SH3BP5: variants seen among roughly 807,000 people sequenced by gnomAD.
SH3BP5 encodes the protein SH3 domain-binding protein 5.
In SH3BP5, 22 loss-of-function variants were observed where a neutral mutation model predicts 43.3. The ratio of observed to expected loss-of-function variants is 0.51; its 90% CI spans 0.36 to 0.73. The LOEUF is 0.73. Ranked by LOEUF, SH3BP5 falls within the 30% of genes least tolerant of loss-of-function variation. The probability of loss-of-function intolerance (pLI) is 0.00; values close to 1 mark genes in which losing one functional copy is unlikely to be tolerated. For synonymous variants in SH3BP5, 255 were observed against 225.8 expected (o/e 1.13, Z -1.16); for missense variants, 529 against 586.9 (o/e 0.90, Z 1.02).
At chr3:15,297,683 T>C (rs1327053025) in intron 3 of SH3BP5, among the ~76,000 whole-genome samples, 1 of 152,050 alleles carries the variant, frequency 6.6e-6, no homozygotes, top group Non-Finnish European at 1.5e-5. Context: ...TGCTGGAATC[T>C]CAACACTGTA....
chr3:15,320,640 A>ACACGCT (rs373879792), intron 2 of SH3BP5, among the ~76,000 whole-genome samples: 6 of 149,560 alleles, frequency 4.0e-5, no homozygotes, highest in African/African-American at 1.2e-4. Flanking sequence ...ACACACACAC[A>ACACGCT]CCCCACTACG....
At position 15,296,694 on chromosome 3, in the gene SH3BP5, C is replaced by CTTTTTTTT. The variant is rs370273754; in HGVS notation, c.330+7401_330+7408dup. 5.1e-3 allele frequency among the ~76,000 whole-genome samples: 633 copies of CTTTTTTTT among 124,862 alleles called. 16 individuals are homozygous for CTTTTTTTT. The highest frequency in any genetic ancestry group is 0.01 in the African/African-American group (292 of 28,922). 81.9% of individuals were successfully genotyped at this position (124,862 alleles called of 152,430 possible). On this transcript the variant is annotated intron_variant, in intron 3 of 8. Coordinates refer to ENST00000383791, the MANE Select transcript of SH3BP5 (RefSeq NM_004844.5). ...ATCCTCCACTTACGAAGTGTTTTTC[C>CTTTTTTTT]TTTTTTTTTTTTTTTTTGAGACAGG...
chr3:15,323,978 C>G (rs576696690), intron 2 of SH3BP5, among the ~76,000 whole-genome samples: 2 of 152,316 alleles, frequency 1.3e-5, no homozygotes, highest in Admixed American at 1.3e-4. Context: ...AGCCCAAGGC[C>G]TTCAGTACCA....
At chr3:15,284,158 T>C (rs771074282) in intron 3 of SH3BP5, among the ~76,000 whole-genome samples, 8 of 152,188 alleles carry the variant, frequency 5.3e-5, no homozygotes, top group Non-Finnish European at 1.0e-4. Context: ...TTAAGTAAGC[T>C]TCACTGAAGC....
At chr3:15,335,252 C>T (rs1036639007), upstream of SH3BP5, among the ~76,000 whole-genome samples, 11 of 152,022 alleles carry the variant, frequency 7.2e-5, no homozygotes, top group Non-Finnish European at 1.0e-4. Context: ...GTGGCACATG[C>T]CTGTAATCCC....
At chr3:15,292,773 G>A (rs906286890) in intron 3 of SH3BP5, among the ~76,000 whole-genome samples, 6 of 151,486 alleles carry the variant, frequency 4.0e-5, no homozygotes, top group Admixed American at 1.3e-4. Context: ...GCTTGAATCC[G>A]GGAGGCGGAG....
chr3:15,259,689 T>A (rs1696359680), intron 6 of SH3BP5, 72 bp downstream of exon 6: 1 of 1,411,470 alleles, frequency 7.1e-7, no homozygotes, highest in Non-Finnish European at 1.0e-6. Flanking sequence ...TGTGATACTC[T>A]GCTACCCCAG....
chr3:15,255,873 A>G lies in SH3BP5; in HGVS notation c.*213T>C, dbSNP rs918549534. 1.8e-6 allele frequency: 1 copy of G among 553,888 alleles called. No homozygotes were observed. The highest frequency in any genetic ancestry group is 3.0e-5 in the East Asian group (1 of 33,364). 34.3% of individuals were successfully genotyped at this position (553,888 alleles called of 1,614,324 possible). A position where few individuals can be genotyped will look rare whatever the true frequency, so the allele number is the denominator to read the frequency against. ...CCACAAAGGCTGTGAACCTAGTCAC[A>G]GTCTACCCACAACAAGAACTCTGCT... On this transcript the variant is annotated 3_prime_UTR_variant, in exon 9 of 9. Transcript: ENST00000383791.
intron 4 of SH3BP5, among the ~76,000 whole-genome samples, chr3:15,263,532 G>A (rs949154429): frequency 1.3e-5 from 2 of 152,174 alleles, no homozygotes; most frequent in East Asian, 3.8e-4. Flanking sequence ...CAGATTTTGA[G>A]GTACACAAAC....
intron 2 of SH3BP5, among the ~76,000 whole-genome samples, chr3:15,318,624 A>T (rs2125130953): frequency 6.6e-6 from 1 of 151,238 alleles, no homozygotes; most frequent in East Asian, 1.9e-4. Flanking sequence ...GTGCAGTGGC[A>T]TGACCTTGGC....
In SH3BP5 at chr3:15,273,116, C is replaced by A. The variant is rs571748694; in HGVS notation, c.331-3239G>T. ...CCTACCCATAGGTGGCCTCTCCTAC[C>A]TATATGCTTCACACCAACTCCAGGA... On this transcript the variant is annotated intron_variant, in intron 3 of 8. Coordinates refer to ENST00000383791, the MANE Select transcript of SH3BP5 (RefSeq NM_004844.5). 5.9e-5 allele frequency: 58 copies of A among 985,170 alleles called. 1 individual carries two copies. The East Asian group carries it at 4.7e-3, about 79-fold the overall frequency. The allele number at this position is 985,170 out of a possible 1,614,324, so 61.0% of individuals were successfully genotyped here.
At chr3:15,257,172 T>C in intron 7 of SH3BP5, 59 bp from the exon 8 acceptor site, 1 of 1,557,932 alleles carries the variant, frequency 6.4e-7, no homozygotes, top group Non-Finnish European at 8.7e-7. Context: ...ACACCACAAG[T>C]GCTTGCTGCT....
chr3:15,290,889 T>C (rs914100270), intron 3 of SH3BP5, among the ~76,000 whole-genome samples: 1 of 149,610 alleles, frequency 6.7e-6, no homozygotes, highest in South Asian at 2.2e-4. Context: ...CCATCGAGAA[T>C]GGAGAAGGGG....
intron 3 of SH3BP5, among the ~76,000 whole-genome samples, chr3:15,300,330 T>C (rs1697701094): frequency 6.6e-6 from 1 of 152,180 alleles, no homozygotes; most frequent in Non-Finnish European, 1.5e-5. Flanking sequence ...CCTCATGAGA[T>C]AGCCAGGGCT....
intron 3 of SH3BP5, among the ~76,000 whole-genome samples, chr3:15,296,690 T>C (rs1697582361): frequency 7.1e-6 from 1 of 140,936 alleles, no homozygotes; most frequent in Non-Finnish European, 1.5e-5. Flanking sequence ...ACGAAGTGTT[T>C]TTCCTTTTTT....
intron 3 of SH3BP5, among the ~76,000 whole-genome samples, chr3:15,289,339 A>G (rs1021721607): frequency 1.3e-5 from 2 of 152,210 alleles, no homozygotes; most frequent in Non-Finnish European, 2.9e-5. Flanking sequence ...TAGACTCTTT[A>G]AAATAGAAGG....
intron 3 of SH3BP5, among the ~76,000 whole-genome samples, chr3:15,279,959 C>T (rs1697075073): frequency 2.0e-5 from 3 of 152,168 alleles, no homozygotes; most frequent in Admixed American, 2.0e-4. Context: ...CTATTTGTCA[C>T]CCTACAGAAT....
Position 15,265,836 on chromosome 3 carries a change from T to TA in SH3BP5, c.496-3548dup, listed in dbSNP as rs1696627646. On this transcript the variant is annotated intron_variant, in intron 4 of 8. Coordinates refer to ENST00000383791, the MANE Select transcript of SH3BP5 (RefSeq NM_004844.5). Reference sequence around the variant, plus strand: ...GCTGAAGATCCAGGGACCACAGAGATACTGCTCAGCCCCGGACCCTGCTCA... The same window carrying TA: ...GCTGAAGATCCAGGGACCACAGAGATAACTGCTCAGCCCCGGACCCTGCTCA... Among the ~76,000 whole-genome samples, 7 of 152,074 alleles carry TA rather than the reference T, an allele frequency of 4.6e-5. No homozygotes were observed. The South Asian group carries it at 1.5e-3, about 32-fold the overall frequency.
intron 3 of SH3BP5, among the ~76,000 whole-genome samples, chr3:15,279,041 G>A (rs1485442950): frequency 6.6e-6 from 1 of 152,082 alleles, no homozygotes; most frequent in Non-Finnish European, 1.5e-5. Context: ...CTGGTGGCAG[G>A]CACCTATAAT....
Sources: gnomAD v4.1 joint callset for allele counts (sites outside exome capture counted in the v4.1 genomes callset) on GRCh38, gnomAD v4.1.1 for gene constraint, MANE v1.5 for transcripts, NCBI Gene and HGNC (gene_info 2026-07-23, HGNC 2026-07-21) for gene names.